Variants in KIF18A observed in about 807,000 individuals in gnomAD.
KIF18A encodes the protein kinesin-like protein KIF18A.
Under a neutral mutation model 103.3 loss-of-function variants are expected in KIF18A, and 67 were observed. The ratio of observed to expected loss-of-function variants is 0.65; its 90% CI spans 0.53 to 0.79. KIF18A has a LOEUF of 0.79. Among genes scored for constraint, KIF18A ranks in the 30% least tolerant of loss-of-function variants. KIF18A has a pLI of 0.00. For missense variants in KIF18A, 1,032 were observed against 1,062.5 expected, an observed-to-expected ratio of 0.97 and a Z score of 0.40; for synonymous variants, 367 against 355.5, an observed-to-expected ratio of 1.03 and a Z score of -0.36.
chr11:28,083,024 G>C, intron 8 of KIF18A, 56 bp from the exon 9 acceptor site: 1 of 1,439,494 alleles, frequency 6.9e-7, no homozygotes, highest in Non-Finnish European at 9.4e-7. Context: ...CATGGCCACA[G>C]CCAAATTTAG....
intron 9 of KIF18A, among the ~76,000 whole-genome samples, chr11:28,082,197 A>C (rs1173757467): frequency 6.6e-6 from 1 of 152,178 alleles, no homozygotes; most frequent in East Asian, 1.9e-4. Context: ...ACATAAATAT[A>C]GCTGATAGAG....
intron 3 of KIF18A, among the ~76,000 whole-genome samples, chr11:28,092,242 C>T (rs1026722517): frequency 7.1e-6 from 1 of 141,188 alleles, no homozygotes; most frequent in African/African-American, 2.7e-5. Flanking sequence ...TCCAAGTAGT[C>T]CAAACTTTTG....
intron 13 of KIF18A, among the ~76,000 whole-genome samples, chr11:28,056,394 T>C (rs1449171830): frequency 6.6e-6 from 1 of 151,552 alleles, no homozygotes; most frequent in African/African-American, 2.4e-5. Context: ...AACTGAAGAA[T>C]GTGAGAAACA....
chr11:28,033,056 A>G (rs1460770259), intron 15 of KIF18A, among the ~76,000 whole-genome samples: 1 of 151,714 alleles, frequency 6.6e-6, no homozygotes, highest in East Asian at 1.9e-4. Context: ...GGGCAAAAGA[A>G]TAGACATTTC....
At chr11:28,104,584 C>T (rs1229403091) in intron 1 of KIF18A, among the ~76,000 whole-genome samples, 2 of 151,934 alleles carry the variant, frequency 1.3e-5, no homozygotes, top group African/African-American at 2.4e-5. Flanking sequence ...CCTGCCTTTG[C>T]TTCTCCAATC....
rs576001835 is a variant in KIF18A at position 28,022,016 on chromosome 11, T to C, written c.2615-734A>G. ...CTTTTTCCCTACTGATGGTCCTATG[T>C]TTCTTTATTTGTACATTGTTAGTTA... On this transcript the variant is annotated intron_variant, in intron 16 of 16. Transcript: ENST00000263181. Among the ~76,000 whole-genome samples, 3 of 152,326 alleles carry C rather than the reference T, an allele frequency of 2.0e-5. No homozygotes were observed. In the East Asian group the frequency reaches 5.8e-4, roughly 29 times the overall value.
intron 10 of KIF18A, among the ~76,000 whole-genome samples, chr11:28,075,011 T>A (rs1234026897): frequency 6.6e-6 from 1 of 152,206 alleles, no homozygotes; most frequent in Non-Finnish European, 1.5e-5. Context: ...TATATATTTA[T>A]CTTATACTGC....
In KIF18A at chr11:28,057,455, C is replaced by T. The variant is rs1293046109; in HGVS notation, c.1948+1471G>A. On this transcript the variant is annotated intron_variant, in intron 13 of 16. Coordinates refer to ENST00000263181, the MANE Select transcript of KIF18A (RefSeq NM_031217.4). ...GTGTGAACCCAGGAGACGGAGCTTG[C>T]AGTGAGCAGAGATCGCGCCACTGCA... 3.3e-5 allele frequency among the ~76,000 whole-genome samples: 5 copies of T among 152,046 alleles called. No individual in the cohort carries two copies. The East Asian group carries it at 9.7e-4, about 29-fold the overall frequency.
intron 9 of KIF18A, among the ~76,000 whole-genome samples, chr11:28,078,685 C>G (rs1851125828): frequency 6.6e-6 from 1 of 152,092 alleles, no homozygotes; most frequent in Non-Finnish European, 1.5e-5. Context: ...TTTATAATTA[C>G]TCTTTATAAA....
At chr11:28,083,595 C>T (rs985350844) in intron 7 of KIF18A, among the ~76,000 whole-genome samples, 1 of 152,054 alleles carries the variant, frequency 6.6e-6, no homozygotes, top group African/African-American at 2.4e-5. Context: ...TATATTTTAA[C>T]ATTTTTATCA....
At position 28,036,535 on chromosome 11, in the gene KIF18A, T is replaced by C; in HGVS notation, c.2078A>G (p.Asn693Ser). ...CTGAAGTTCTTTGCTAAGAGAATCA[T>C]TGAGCTGCACACTTTGAGATGGTGG... The part of the protein sequence containing the change: ...KSPPSQSVQL[N>S]DSLSKELQPI... Residue 693 changes from asparagine to serine, a missense_variant, in exon 14 of 17, where the codon AAT becomes AGT. Physicochemically the swap from Asn to Ser is conservative, Grantham distance 46. Coordinates refer to ENST00000263181, the MANE Select transcript of KIF18A (RefSeq NM_031217.4). The C allele has an allele frequency of 6.2e-7, 1 of 1,611,324 alleles. No homozygotes were observed. The highest frequency in any genetic ancestry group is 8.5e-7 in the Non-Finnish European group (1 of 1,178,274).
intron 15 of KIF18A, among the ~76,000 whole-genome samples, chr11:28,031,824 G>A (rs1486997603): frequency 5.9e-5 from 9 of 151,880 alleles, no homozygotes; most frequent in East Asian, 1.9e-4. Flanking sequence ...AACATGACAA[G>A]GATGCCCACT....
chr11:28,088,871 C>T (rs1207778544), intron 5 of KIF18A, 150 bp from the exon 6 acceptor site: 1 of 644,784 alleles, frequency 1.6e-6, no homozygotes, highest in Non-Finnish European at 2.7e-6. Flanking sequence ...TTTAAGAGCA[C>T]TATAAGTAAT....
At chr11:28,098,414 C>T (rs1228184877) in intron 1 of KIF18A, among the ~76,000 whole-genome samples, 1 of 152,142 alleles carries the variant, frequency 6.6e-6, no homozygotes, top group Non-Finnish European at 1.5e-5. Context: ...AAAGGATCTC[C>T]CAGAACCATA....
At position 28,021,237 on chromosome 11, in the gene KIF18A, T is replaced by C. The variant is rs1439118647; in HGVS notation, c.2660A>G (p.Lys887Arg). Residue 887 changes from lysine to arginine, a missense_variant, in exon 17 of 17, where the codon AAA (lysine) becomes AGA (arginine). Coordinates refer to ENST00000263181, the MANE Select transcript of KIF18A (RefSeq NM_031217.4). ...TCCTTTTGAAATATTTCTTCCAAAT[T>C]TTCTAACCATGCTTGGATTTATTTT... Reference protein sequence around the residue: ...ICKINPSMVRKFGRNISKGNL... With the variant: ...ICKINPSMVRRFGRNISKGNL... 2 of 1,501,602 alleles carry C rather than the reference T, an allele frequency of 1.3e-6. No individual in the cohort carries two copies. The highest frequency in any genetic ancestry group is 4.4e-5 in the Admixed American group (2 of 45,264). 93.0% of individuals were successfully genotyped at this position (1,501,602 alleles called of 1,614,324 possible). A position where few individuals can be genotyped will look rare whatever the true frequency, so the allele number is the denominator to read the frequency against.
intron 15 of KIF18A, among the ~76,000 whole-genome samples, chr11:28,024,912 C>T (rs1268458442): frequency 6.6e-6 from 1 of 151,794 alleles, no homozygotes; most frequent in East Asian, 1.9e-4. Context: ...TGCCTGCAAC[C>T]GAGGATAGTA....
At position 28,097,829 on chromosome 11, in the gene KIF18A, T is replaced by C. The variant is rs200416539; in HGVS notation, c.119A>G (p.His40Arg). Residue 40 changes from histidine to arginine, a missense_variant, in exon 2 of 17, where the codon CAT becomes CGT. His to Arg is a conservative substitution (Grantham distance 29). Coordinates refer to ENST00000263181, the MANE Select transcript of KIF18A (RefSeq NM_031217.4). ...FHKVVHVVDK[H>R]ILVFDPKQEE... Reference sequence around the variant, plus strand: ...TTGTTTGGGATCAAAAACTAGGATATGTTTATCCACAACATGAACCACTTT... The same window carrying C: ...TTGTTTGGGATCAAAAACTAGGATACGTTTATCCACAACATGAACCACTTT... 1.1e-5 allele frequency: 18 copies of C among 1,613,402 alleles called. No individual in the cohort carries two copies. The highest frequency in any genetic ancestry group is 3.3e-5 in the South Asian group (3 of 91,008).
At chr11:28,074,129 G>A (rs1194374840) in intron 10 of KIF18A, among the ~76,000 whole-genome samples, 1 of 151,642 alleles carries the variant, frequency 6.6e-6, no homozygotes, top group Non-Finnish European at 1.5e-5. Context: ...TGTGAGTTGT[G>A]GAGTGAGACC....
rs1303010395 is a variant in KIF18A, at chr11:28,082,516, AAAGC to A, written c.1262+336_1262+339del. On this transcript the variant is annotated intron_variant, in intron 9 of 16. Coordinates refer to ENST00000263181, the MANE Select transcript of KIF18A (RefSeq NM_031217.4). ...TTAGCAATAAAGTATGTCTAAAATT[AAAGC>A]AAGGCATTATCTTTTCAGATATAAT... 2.0e-5 allele frequency among the ~76,000 whole-genome samples: 3 copies of A among 152,316 alleles called. No homozygotes were observed. In the East Asian group the frequency reaches 5.8e-4, roughly 29 times the overall value.
Sources: allele counts gnomAD v4.1 joint callset (sites outside exome capture counted in the v4.1 genomes callset), GRCh38; gene constraint gnomAD v4.1.1; transcripts MANE v1.5; gene names NCBI Gene and HGNC (gene_info 2026-07-23, HGNC 2026-07-21).